The following CDH13 variants were observed in gnomAD, a reference collection of about 807,000 sequenced individuals.
CDH13 encodes cadherin-13.
A neutral mutation model predicts 63.8 loss-of-function variants in CDH13; 24 were observed. That is an observed-to-expected ratio of 0.38 (90% CI 0.27 to 0.53). The LOEUF is 0.53. Among genes scored for constraint, CDH13 ranks in the 20% least tolerant of loss-of-function variants. The pLI is 0.85. For missense variants in CDH13, 1,049 were observed against 903.1 expected, an observed-to-expected ratio of 1.16 and a Z score of -2.07; for synonymous variants, 503 against 355.3, an observed-to-expected ratio of 1.42 and a Z score of -4.67.
chr16:82,729,079 A>G (rs36069302), intron 1 of CDH13, among the ~76,000 whole-genome samples: 28,258 of 152,140 alleles, frequency 0.19, 2,978 homozygotes, highest in East Asian at 0.47. Flanking sequence ...GTTGTCTTTC[A>G]GTTTCCACCA....
intron 1 of CDH13, among the ~76,000 whole-genome samples, chr16:82,799,797 A>G (rs377076791): frequency 3.3e-5 from 5 of 151,896 alleles, no homozygotes; most frequent in Non-Finnish European, 5.9e-5. Flanking sequence ...CTAAATGGAG[A>G]CTACACAAAG....
At chr16:83,218,930 C>T (rs766987305) in intron 5 of CDH13, among the ~76,000 whole-genome samples, 1 of 152,142 alleles carries the variant, frequency 6.6e-6, no homozygotes, top group Non-Finnish European at 1.5e-5. Context: ...CTTTCTTGCC[C>T]ACCGTGTAAG....
chr16:83,074,593 C>A (rs2032686016), intron 3 of CDH13, among the ~76,000 whole-genome samples: 1 of 152,126 alleles, frequency 6.6e-6, no homozygotes, highest in Non-Finnish European at 1.5e-5. Flanking sequence ...TCCATAATGG[C>A]TATACTAATT....
chr16:83,635,332 CTTTTTTTTTT>C (rs71148847), intron 8 of CDH13, among the ~76,000 whole-genome samples: 13 of 46,732 alleles, frequency 2.8e-4, no homozygotes, highest in Admixed American at 8.0e-4. Context: ...CATTTTCTTT[CTTTTTTTTTT>C]TTTTTTTTTT....
chr16:83,520,225 ACACT>A (rs752587660), intron 7 of CDH13, among the ~76,000 whole-genome samples: 3 of 152,352 alleles, frequency 2.0e-5, no homozygotes, highest in Non-Finnish European at 4.4e-5. Flanking sequence ...AATATGGTTG[ACACT>A]CACAGGCTCT....
chr16:82,818,378 G>A (rs763423324), intron 1 of CDH13, among the ~76,000 whole-genome samples: 1 of 152,106 alleles, frequency 6.6e-6, no homozygotes, highest in Non-Finnish European at 1.5e-5. Context: ...GATGTTAACA[G>A]AAAGAGAGCA....
intron 4 of CDH13, chr16:83,180,728 A>G: frequency 3.2e-6 from 2 of 631,538 alleles, no homozygotes; most frequent in East Asian, 5.5e-5. Context: ...GCCAATTTTA[A>G]TTCTAGAAAA....
intron 1 of CDH13, among the ~76,000 whole-genome samples, chr16:82,778,092 A>G (rs930462640): frequency 3.3e-5 from 5 of 152,234 alleles, no homozygotes; most frequent in Non-Finnish European, 7.3e-5. Flanking sequence ...AAGGACATGC[A>G]TATGAGGAGG....
At chr16:83,287,020 T>G (rs2089334941) in intron 5 of CDH13, among the ~76,000 whole-genome samples, 1 of 152,112 alleles carries the variant, frequency 6.6e-6, no homozygotes, top group Non-Finnish European at 1.5e-5. Flanking sequence ...TGGAAGATAA[T>G]GTTCATCTTT....
chr16:83,024,462 C>T (rs939426293), intron 2 of CDH13, among the ~76,000 whole-genome samples: 29 of 152,104 alleles, frequency 1.9e-4, no homozygotes, highest in Middle Eastern at 3.2e-3. Flanking sequence ...AGAACACATT[C>T]ATCTAGAAAG....
intron 1 of CDH13, among the ~76,000 whole-genome samples, chr16:82,734,223 T>G (rs1055355754): frequency 2.6e-5 from 4 of 152,238 alleles, no homozygotes; most frequent in African/African-American, 9.6e-5. Flanking sequence ...CCCATTAGTT[T>G]ATGCACTATC....
At chr16:82,892,993 T>C (rs756902286) in intron 2 of CDH13, among the ~76,000 whole-genome samples, 11 of 152,252 alleles carry the variant, frequency 7.2e-5, no homozygotes, top group Admixed American at 7.2e-4. Context: ...AACTTTACTA[T>C]ATACTTGTTT....
chr16:83,550,347 CA>C (rs907999116), intron 7 of CDH13, among the ~76,000 whole-genome samples: 2 of 152,200 alleles, frequency 1.3e-5, no homozygotes, highest in African/African-American at 4.8e-5. Flanking sequence ...ACACGTCTGG[CA>C]AAGCTTTCCA....
intron 2 of CDH13, among the ~76,000 whole-genome samples, chr16:83,015,722 T>G (rs1220731123): frequency 1.2e-4 from 14 of 120,584 alleles, no homozygotes; most frequent in African/African-American, 4.2e-4. Flanking sequence ...TATATATATA[T>G]AAAGAAAAAG....
At chr16:82,987,484 C>T (rs1047080234) in intron 2 of CDH13, among the ~76,000 whole-genome samples, 3 of 152,174 alleles carry the variant, frequency 2.0e-5, no homozygotes, top group Non-Finnish European at 4.4e-5. Flanking sequence ...TCAAGCAATT[C>T]TCCTGCCTCA....
At chr16:83,371,623 A>T (rs771350165) in intron 6 of CDH13, among the ~76,000 whole-genome samples, 13 of 152,380 alleles carry the variant, frequency 8.5e-5, no homozygotes, top group Middle Eastern at 3.4e-3. Context: ...ATCATTGCTT[A>T]GAAGTAAGTT....
chr16:83,163,387 G>A (rs1353992209), intron 4 of CDH13, among the ~76,000 whole-genome samples: 1 of 152,012 alleles, frequency 6.6e-6, no homozygotes, highest in African/African-American at 2.4e-5. Context: ...GTCAAAACCT[G>A]CACCCCAGGT....
chr16:82,992,735 A>C (rs577173543), intron 2 of CDH13, among the ~76,000 whole-genome samples: 1 of 152,354 alleles, frequency 6.6e-6, no homozygotes, highest in Non-Finnish European at 1.5e-5. Context: ...CTTGGCATCA[A>C]GCAGATTAAA....
At chr16:83,271,328 G>T (rs1458948833) in intron 5 of CDH13, among the ~76,000 whole-genome samples, 1 of 145,288 alleles carries the variant, frequency 6.9e-6, no homozygotes, top group East Asian at 2.0e-4. Context: ...GCAGATCCCA[G>T]GCTGGACTTC....
Sources: gnomAD v4.1 joint callset for allele counts (sites outside exome capture counted in the v4.1 genomes callset) on GRCh38, gnomAD v4.1.1 for gene constraint, MANE v1.5 for transcripts, NCBI Gene and HGNC (gene_info 2026-07-23, HGNC 2026-07-21) for gene names.